Variants in ARHGAP42 observed in about 807,000 individuals in gnomAD.
ARHGAP42 encodes the protein Rho GTPase activating protein 42, also known as rho GTPase-activating protein 42.
In ARHGAP42, 63 loss-of-function variants were observed where a neutral mutation model predicts 125.0. The observed-to-expected ratio is 0.50, with a 90% CI of 0.41 to 0.62. The LOEUF (loss-of-function observed/expected upper bound fraction) is 0.62. Among genes scored for constraint, ARHGAP42 ranks in the 20% least tolerant of loss-of-function variants. The pLI is 0.00. For missense variants in ARHGAP42, 766 were observed against 1,024.2 expected, an observed-to-expected ratio of 0.75 and a Z score of 3.44; for synonymous variants, 339 against 351.0, an observed-to-expected ratio of 0.97 and a Z score of 0.38.
intron 1 of ARHGAP42, among the ~76,000 whole-genome samples, chr11:100,748,749 G>C (rs1166245527): frequency 1.4e-5 from 2 of 141,746 alleles, no homozygotes; most frequent in Admixed American, 1.4e-4. Context: ...AAGGCTACGG[G>C]TTGTCAGTGG....
chr11:100,808,403 T>TA (rs1864052107), intron 3 of ARHGAP42, among the ~76,000 whole-genome samples: 1 of 146,856 alleles, frequency 6.8e-6, no homozygotes, highest in Admixed American at 6.8e-5. Context: ...CTCTTTTTTT[T>TA]TTTTTTTTTT....
chr11:100,942,331 CT>C (rs890684010), intron 9 of ARHGAP42, among the ~76,000 whole-genome samples: 2 of 152,126 alleles, frequency 1.3e-5, no homozygotes, highest in African/African-American at 4.8e-5. Flanking sequence ...AACCAAAATG[CT>C]GGCTAACAAG....
At chr11:100,931,415 G>C (rs1041953376) in intron 6 of ARHGAP42, among the ~76,000 whole-genome samples, 1 of 152,188 alleles carries the variant, frequency 6.6e-6, no homozygotes, top group Non-Finnish European at 1.5e-5. Flanking sequence ...GAAAATATCA[G>C]TGTGTTTTGT....
At chr11:100,893,347 C>A (rs1866269446) in intron 4 of ARHGAP42, among the ~76,000 whole-genome samples, 1 of 151,996 alleles carries the variant, frequency 6.6e-6, no homozygotes, top group South Asian at 2.1e-4. Flanking sequence ...TAGGAAAGAA[C>A]AAATAGATAA....
At chr11:100,938,483 T>C (rs1175006069) in intron 8 of ARHGAP42, among the ~76,000 whole-genome samples, 1 of 152,166 alleles carries the variant, frequency 6.6e-6, no homozygotes, top group African/African-American at 2.4e-5. Flanking sequence ...CTGCATCTGC[T>C]GCATTATTTT....
chr11:100,724,784 T>A (rs1466717280), intron 1 of ARHGAP42, among the ~76,000 whole-genome samples: 2 of 151,898 alleles, frequency 1.3e-5, no homozygotes, highest in Non-Finnish European at 2.9e-5. Context: ...TTTTTTTTCC[T>A]CTGTTAATTT....
intron 1 of ARHGAP42, among the ~76,000 whole-genome samples, chr11:100,702,010 C>G (rs1189692001): frequency 6.6e-6 from 1 of 151,860 alleles, no homozygotes; most frequent in Non-Finnish European, 1.5e-5. Flanking sequence ...GATGGCTGGG[C>G]ATGGTATATT....
chr11:100,961,672 T>A lies in ARHGAP42; in HGVS notation c.1301-12T>A, dbSNP rs965468064. On this transcript the variant is annotated splice_polypyrimidine_tract_variant and intron_variant, in intron 14 of 23. Transcript: ENST00000298815. Reference sequence around the variant, plus strand: ...ACTGCACAATTTAAACACCTTGTTTTATTCTTTCCAGCTCCTAAATCCCCT... The same window carrying A: ...ACTGCACAATTTAAACACCTTGTTTAATTCTTTCCAGCTCCTAAATCCCCT... 1 of 1,549,662 alleles carries A rather than the reference T, an allele frequency of 6.5e-7. No homozygotes were observed. The highest frequency in any genetic ancestry group is 1.4e-5 in the African/African-American group (1 of 72,970).
intron 4 of ARHGAP42, among the ~76,000 whole-genome samples, chr11:100,898,927 T>A (rs1266864688): frequency 6.6e-6 from 1 of 152,188 alleles, no homozygotes; most frequent in Non-Finnish European, 1.5e-5. Flanking sequence ...CTTTTAATTG[T>A]GATGTTAGGG....
chr11:100,803,657 G>A (rs61890784), intron 3 of ARHGAP42, among the ~76,000 whole-genome samples: 2 of 152,088 alleles, frequency 1.3e-5, no homozygotes, highest in African/African-American at 4.8e-5. Context: ...AGGACAGAAG[G>A]TCCAAATTAT....
intron 13 of ARHGAP42, 115 bp downstream of exon 13, chr11:100,960,060 T>G (rs756153244): frequency 4.6e-6 from 4 of 862,368 alleles, no homozygotes; most frequent in Non-Finnish European, 7.2e-6. Flanking sequence ...TGGATTAATT[T>G]TAAGAGTAAT....
intron 3 of ARHGAP42, among the ~76,000 whole-genome samples, chr11:100,823,703 G>T (rs1864451237): frequency 6.6e-6 from 1 of 152,116 alleles, no homozygotes; most frequent in Non-Finnish European, 1.5e-5. Flanking sequence ...TTTCTAACTG[G>T]AAAAAGCCTC....
In ARHGAP42 at chr11:100,983,437, C is replaced by A. The variant is rs551451913; in HGVS notation, c.2457-4076C>A. Among the ~76,000 whole-genome samples the A allele has an allele frequency of 1.4e-3, 215 of 152,252 alleles. 2 individuals carry two copies. The highest frequency in any genetic ancestry group is 3.9e-3 in the African/African-American group (160 of 41,554). ...CAATGATATCTTAGGCTTCTGCCTG[C>A]CCCTCTATCTCCCCTCCACAGGTTC... On this transcript the variant is annotated intron_variant, in intron 22 of 23. Transcript: ENST00000298815.
chr11:100,826,570 TA>T (rs1864518942), intron 3 of ARHGAP42, among the ~76,000 whole-genome samples: 1 of 152,206 alleles, frequency 6.6e-6, no homozygotes, highest in Non-Finnish European at 1.5e-5. Flanking sequence ...AAAGTGAATT[TA>T]TCTAGACCTT....
chr11:100,859,496 T>C (rs1865395256), intron 3 of ARHGAP42, 58 bp from the exon 4 acceptor site: 9 of 1,419,232 alleles, frequency 6.3e-6, no homozygotes, highest in Admixed American at 2.5e-5. Context: ...AGCCATTTTT[T>C]CAATGTTGTT....
intron 3 of ARHGAP42, among the ~76,000 whole-genome samples, chr11:100,825,777 G>T (rs2135084170): frequency 6.6e-6 from 1 of 152,242 alleles, no homozygotes; most frequent in East Asian, 1.9e-4. Context: ...TCCAGCTTGT[G>T]TGGGCATGTA....
chr11:100,780,814 C>G (rs1202575023), intron 2 of ARHGAP42, among the ~76,000 whole-genome samples: 1 of 152,192 alleles, frequency 6.6e-6, no homozygotes, highest in African/African-American at 2.4e-5. Context: ...CAACATTAAA[C>G]AACCAAAGAC....
chr11:100,983,440 C>T (rs768735805), intron 22 of ARHGAP42, among the ~76,000 whole-genome samples: 1 of 152,118 alleles, frequency 6.6e-6, no homozygotes, highest in Non-Finnish European at 1.5e-5. Flanking sequence ...CTGCCTGCCC[C>T]TCTATCTCCC....
chr11:100,885,966 A>T (rs1011384146), intron 4 of ARHGAP42, among the ~76,000 whole-genome samples: 10 of 152,216 alleles, frequency 6.6e-5, no homozygotes, highest in African/African-American at 2.4e-4. Context: ...GCAATTCTTG[A>T]TGAGGTAGGT....
Sources: allele counts gnomAD v4.1 joint callset (sites outside exome capture counted in the v4.1 genomes callset), GRCh38; gene constraint gnomAD v4.1.1; transcripts MANE v1.5; gene names NCBI Gene and HGNC (gene_info 2026-07-23, HGNC 2026-07-21).